EIF3E: variants seen among roughly 807,000 people sequenced by gnomAD.
EIF3E encodes the protein eukaryotic translation initiation factor 3 subunit E.
A neutral mutation model predicts 59.3 loss-of-function variants in EIF3E; 25 were observed. The observed-to-expected ratio is 0.42, with a 90% CI of 0.31 to 0.59. The LOEUF (loss-of-function observed/expected upper bound fraction) is 0.59. Among genes scored for constraint, EIF3E ranks in the 20% least tolerant of loss-of-function variants. The pLI is 0.15. For synonymous variants in EIF3E, 176 were observed against 170.2 expected (o/e 1.03, Z -0.26); for missense variants, 317 against 534.3 (o/e 0.59, Z 4.01).
chr8:108,226,199 T>C (rs575972834), intron 7 of EIF3E: 54 of 150,862 alleles, frequency 3.6e-4, no homozygotes, highest in African/African-American at 8.0e-4. Context: ...TTCTTTTTTT[T>C]TTTTTTTTTT....
At chr8:108,229,032 G>C in intron 6 of EIF3E, 38 bp downstream of exon 6, 1 of 1,566,848 alleles carries the variant, frequency 6.4e-7, no homozygotes, top group Non-Finnish European at 8.7e-7. Flanking sequence ...AGGATACACA[G>C]ATATTTCAGA....
rs573361353 is a variant in EIF3E at position 108,248,698 on chromosome 8, G to A, written c.5C>T (p.Ala2Val). ...GATGCGAGTAGTCAAGTCGTACTCC[G>A]CCATCTTGCCAAAGAAAAGGGAGTC... Reference protein sequence around the residue: MAEYDLTTRIAH... With the variant: MVEYDLTTRIAH... The change falls in exon 1 of 13, where the codon GCG (alanine) becomes GTG (valine). Residue 2 changes from alanine to valine, a missense_variant. Transcript: ENST00000220849. 1.4e-5 allele frequency: 22 copies of A among 1,614,058 alleles called. No individual in the cohort carries two copies. The highest frequency in any genetic ancestry group is 1.7e-4 in the Middle Eastern group (1 of 6,060).
intron 10 of EIF3E, among the ~76,000 whole-genome samples, chr8:108,213,495 AG>A (rs1231941278): frequency 2.0e-5 from 3 of 152,324 alleles, no homozygotes; most frequent in South Asian, 2.1e-4. Flanking sequence ...TGGACCAAAA[AG>A]CACCCAAATG....
intron 10 of EIF3E, among the ~76,000 whole-genome samples, chr8:108,204,856 G>A (rs1815070439): frequency 1.3e-5 from 2 of 148,852 alleles, no homozygotes; most frequent in African/African-American, 4.9e-5. Context: ...TGAAGATCTT[G>A]ATCTAAAATA....
chr8:108,207,881 G>C (rs756502071), intron 10 of EIF3E, among the ~76,000 whole-genome samples: 15 of 152,044 alleles, frequency 9.9e-5, no homozygotes, highest in Non-Finnish European at 1.9e-4. Context: ...GAAATACTTT[G>C]TTTCCAGGAA....
chr8:108,246,525 T>TTA (rs1427703226), intron 1 of EIF3E, among the ~76,000 whole-genome samples: 1 of 152,178 alleles, frequency 6.6e-6, no homozygotes, highest in Non-Finnish European at 1.5e-5. Context: ...TGTCTGGGTT[T>TTA]TATCTTGGAT....
intron 9 of EIF3E, among the ~76,000 whole-genome samples, chr8:108,215,415 G>A (rs1047767874): frequency 5.3e-5 from 8 of 151,912 alleles, no homozygotes; most frequent in African/African-American, 9.7e-5. Flanking sequence ...TCAGGAGATC[G>A]AGACCATCCT....
intron 3 of EIF3E, 39 bp downstream of exon 3, chr8:108,239,919 A>C (rs1334517032): frequency 6.7e-7 from 1 of 1,485,498 alleles, no homozygotes; most frequent in Non-Finnish European, 9.4e-7. Flanking sequence ...TTAATCCAGA[A>C]AGGAGAATTT....
At chr8:108,240,424 T>A (rs1490715056) in intron 2 of EIF3E, among the ~76,000 whole-genome samples, 1 of 152,198 alleles carries the variant, frequency 6.6e-6, no homozygotes, top group Non-Finnish European at 1.5e-5. Context: ...TCCAAGTGTT[T>A]TTATATTTGT....
chr8:108,203,146 T>C (rs1563625176), intron 11 of EIF3E, 29 bp from the exon 12 acceptor site: 1 of 1,601,446 alleles, frequency 6.2e-7, no homozygotes, highest in Non-Finnish European at 8.5e-7. Flanking sequence ...AAATTGATCC[T>C]ATAATGTTAA....
intron 12 of EIF3E, 32 bp from the exon 13 acceptor site, chr8:108,201,955 A>G: frequency 2.6e-6 from 4 of 1,546,174 alleles, no homozygotes; most frequent in Admixed American, 2.0e-5. Context: ...CAACACCGTG[A>G]AAAGAAAATA....
intron 4 of EIF3E, among the ~76,000 whole-genome samples, chr8:108,235,703 T>C (rs1815717296): frequency 6.6e-6 from 1 of 152,214 alleles, no homozygotes; most frequent in African/African-American, 2.4e-5. Context: ...TCTGGGGACT[T>C]ATAAAGACCT....
rs1446643382 is a variant in EIF3E, at chr8:108,201,331, T to C, written c.*554A>G. 6.7e-6 allele frequency: 1 copy of C among 149,724 alleles called. No homozygotes were observed. 9.3% of individuals were successfully genotyped at this position (149,724 alleles called of 1,614,324 possible). On this transcript the variant is annotated 3_prime_UTR_variant, in exon 13 of 13. Transcript: ENST00000220849. ...GAATGAAAAAAGCTAATCTCAAAGGTTGTGTATTATGTAATTCCATTTATA... is the reference window on the plus strand; with the variant it reads ...GAATGAAAAAAGCTAATCTCAAAGGCTGTGTATTATGTAATTCCATTTATA...
chr8:108,246,186 T>C lies in EIF3E; in HGVS notation c.90+2427A>G, dbSNP rs576114599. On this transcript the variant is annotated intron_variant, in intron 1 of 12. Coordinates refer to ENST00000220849, the MANE Select transcript of EIF3E (RefSeq NM_001568.3). The stretch of plus-strand genomic sequence containing the variant: ...TCCTACTACCCAGAAGGGCGAACAA[T>C]TTAAAACTTACGAATTGCTAATTTC... Among the ~76,000 whole-genome samples the C allele has an allele frequency of 4.6e-5, 7 of 151,462 alleles. No individual in the cohort carries two copies. In the South Asian group the frequency reaches 1.3e-3, roughly 27 times the overall value.
chr8:108,223,011 C>G (rs1815448221), intron 7 of EIF3E, among the ~76,000 whole-genome samples: 1 of 151,902 alleles, frequency 6.6e-6, no homozygotes, highest in South Asian at 2.1e-4. Flanking sequence ...ATTTAATAAT[C>G]AAAACATAAA....
chr8:108,242,953 AG>A (rs1349106822), intron 1 of EIF3E: 2 of 153,048 alleles, frequency 1.3e-5, no homozygotes, highest in African/African-American at 4.8e-5. Context: ...TATCTCCCAA[AG>A]CCAAACATAC....
At chr8:108,243,638 G>GAA (rs779684560) in intron 1 of EIF3E, among the ~76,000 whole-genome samples, 1,706 of 70,980 alleles carry the variant, frequency 0.024, 27 homozygotes, top group African/African-American at 0.037. Context: ...CAAAAAAAAA[G>GAA]AAAAAAAAAA....
chr8:108,238,925 A>C (rs1057204379), intron 3 of EIF3E, among the ~76,000 whole-genome samples: 4 of 152,216 alleles, frequency 2.6e-5, no homozygotes, highest in African/African-American at 9.6e-5. Context: ...AGTAACCCAA[A>C]AGACTTCCAC....
chr8:108,224,761 A>T lies in EIF3E; in HGVS notation c.722+3506T>A, dbSNP rs570507067. On this transcript the variant is annotated intron_variant, in intron 7 of 12. Coordinates refer to ENST00000220849, the MANE Select transcript of EIF3E (RefSeq NM_001568.3). ...GTTCTAAAACTGACTTGTGATGGTTATATCACTCAGTTAAGTTACTAAAAA... is the reference window on the plus strand; with the variant it reads ...GTTCTAAAACTGACTTGTGATGGTTTTATCACTCAGTTAAGTTACTAAAAA... Among the ~76,000 whole-genome samples the T allele has an allele frequency of 6.2e-4, 94 of 151,642 alleles. 3 individuals carry two copies. Among genetic ancestry groups the T allele is most frequent in the African/African-American group, 2.2e-3 (89 of 40,892 alleles).
Sources: gnomAD v4.1 joint callset for allele counts (sites outside exome capture counted in the v4.1 genomes callset) on GRCh38, gnomAD v4.1.1 for gene constraint, MANE v1.5 for transcripts, NCBI Gene and HGNC (gene_info 2026-07-23, HGNC 2026-07-21) for gene names.